The following ITCH variants were observed in gnomAD, a reference collection of about 807,000 sequenced individuals.
ITCH encodes E3 ubiquitin-protein ligase Itchy homolog.
ITCH carries 28 observed loss-of-function variants against 126.8 expected under a neutral mutation model. The observed-to-expected ratio is 0.22, with a 90% CI of 0.16 to 0.30. ITCH has a LOEUF of 0.30. Among genes scored for constraint, ITCH ranks in the 10% least tolerant of loss-of-function variants. ITCH has a pLI of 1.00. For synonymous variants in ITCH, 342 were observed against 340.0 expected, an observed-to-expected ratio of 1.01 and a Z score of -0.06; for missense variants, 631 against 1,032.4, an observed-to-expected ratio of 0.61 and a Z score of 5.33.
At chr20:34,503,758 T>G (rs1990414040) in intron 23 of ITCH, among the ~76,000 whole-genome samples, 1 of 152,010 alleles carries the variant, frequency 6.6e-6, no homozygotes, top group South Asian at 2.1e-4. Flanking sequence ...CTTTTACACT[T>G]ACCAGAATCA....
At chr20:34,456,180 GTGTGTA>G (rs1449047829) in intron 12 of ITCH, among the ~76,000 whole-genome samples, 30 of 44,144 alleles carry the variant, frequency 6.8e-4, no homozygotes, top group South Asian at 4.6e-3. Context: ...GTGTGTGTGT[GTGTGTA>G]TATATATATA....
chr20:34,478,547 T>G (rs773793452), intron 17 of ITCH, among the ~76,000 whole-genome samples: 106 of 152,204 alleles, frequency 7.0e-4, no homozygotes, highest in Non-Finnish European at 1.3e-3. Context: ...AGACGGGATT[T>G]GAATCTTTTT....
At chr20:34,424,656 G>C (rs527367963) in intron 7 of ITCH, 131 bp downstream of exon 7, 16 of 827,274 alleles carry the variant, frequency 1.9e-5, no homozygotes, top group Non-Finnish European at 3.3e-5. Flanking sequence ...CTCAAGAAGG[G>C]AAATATTTGC....
intron 6 of ITCH, among the ~76,000 whole-genome samples, chr20:34,418,757 C>CT (rs373974620): frequency 0.27 from 30,885 of 116,498 alleles, 5,150 homozygotes; most frequent in Admixed American, 0.44. Flanking sequence ...TCTTTTTTTC[C>CT]TTTTTTTTTT....
At position 34,461,945 on chromosome 20, in the gene ITCH, A is replaced by AT. The variant is rs1323142325; in HGVS notation, c.1296-147dup. On this transcript the variant is annotated intron_variant, in intron 13 of 24. Coordinates refer to ENST00000374864, the MANE Select transcript of ITCH (RefSeq NM_031483.7). ...TTTAACCTGTTTGTAGGATGTCCAC[A>AT]TAGAGATGTCTAGTATACAACTGAA... The AT allele has an allele frequency of 7.0e-6, 5 of 717,084 alleles. No homozygotes were observed. In the African/African-American group the frequency reaches 8.8e-5, roughly 13 times the overall value. 44.4% of individuals were successfully genotyped at this position (717,084 alleles called of 1,614,324 possible).
intron 2 of ITCH, among the ~76,000 whole-genome samples, chr20:34,390,670 G>A (rs553019895): frequency 1.2e-3 from 178 of 151,880 alleles, no homozygotes; most frequent in African/African-American, 4.0e-3. Context: ...GGCTGGTCTC[G>A]AACTCCTGAC....
rs182273309 is a variant in ITCH at position 34,438,382 on chromosome 20, G to C, written c.522-92G>C. The stretch of plus-strand genomic sequence containing the variant: ...CTTTTTTGAAGCTCTTAAAAACTTA[G>C]AAGTTTTCATCCTCCTGCTGTTTTT... On this transcript the variant is annotated intron_variant, in intron 7 of 24. Coordinates refer to ENST00000374864, the MANE Select transcript of ITCH (RefSeq NM_031483.7). 1.2e-5 allele frequency: 16 copies of C among 1,374,312 alleles called. No homozygotes were observed. The African/African-American group carries it at 2.2e-4, about 18-fold the overall frequency. 85.1% of individuals were successfully genotyped at this position (1,374,312 alleles called of 1,614,324 possible).
intron 13 of ITCH, among the ~76,000 whole-genome samples, chr20:34,458,259 T>TG (rs1986205492): frequency 6.6e-6 from 1 of 152,140 alleles, no homozygotes; most frequent in Admixed American, 6.5e-5. Context: ...TAAAAAATAT[T>TG]CTGTTGTTGT....
At chr20:34,486,136 T>C (rs910824683) in intron 20 of ITCH, among the ~76,000 whole-genome samples, 5 of 152,088 alleles carry the variant, frequency 3.3e-5, no homozygotes, top group Admixed American at 2.6e-4. Flanking sequence ...CACCTCAGCC[T>C]TCCAGGTAGC....
chr20:34,414,648 T>A (rs1979569781), intron 6 of ITCH, among the ~76,000 whole-genome samples: 1 of 151,970 alleles, frequency 6.6e-6, no homozygotes, highest in Admixed American at 6.6e-5. Flanking sequence ...GTGGGGTTTT[T>A]TTGTTTGTTT....
intron 7 of ITCH, among the ~76,000 whole-genome samples, chr20:34,425,804 A>T (rs934766756): frequency 1.3e-5 from 2 of 152,230 alleles, no homozygotes; most frequent in Non-Finnish European, 2.9e-5. Context: ...GATAGTAAAA[A>T]TAGTGATCAA....
chr20:34,370,245 A>G (rs2037570514), intron 2 of ITCH, among the ~76,000 whole-genome samples: 1 of 152,210 alleles, frequency 6.6e-6, no homozygotes, highest in Admixed American at 6.5e-5. Flanking sequence ...GCCAGACCTC[A>G]GTTTATACAT....
rs769203518 is a variant in ITCH at position 34,445,263 on chromosome 20, T to TC, written c.966-24_966-23insC. On this transcript the variant is annotated intron_variant, in intron 10 of 24. Transcript: ENST00000374864. Reference sequence around the variant, plus strand: ...CAAGTATTTGTTGAATTAGCTTGTTTTTTTTTTTTTTTTTCTGATTTAGCT... The same window carrying TC: ...CAAGTATTTGTTGAATTAGCTTGTTTCTTTTTTTTTTTTTTCTGATTTAGCT... 1.9e-6 allele frequency: 3 copies of TC among 1,557,110 alleles called. No homozygotes were observed. In the South Asian group the frequency reaches 3.5e-5, roughly 18 times the overall value.
chr20:34,407,665 T>C (rs1304683808), intron 3 of ITCH, among the ~76,000 whole-genome samples: 4 of 152,194 alleles, frequency 2.6e-5, no homozygotes, highest in East Asian at 1.9e-4. Context: ...CCCTCAGATA[T>C]GCCATACTCA....
intron 2 of ITCH, among the ~76,000 whole-genome samples, chr20:34,388,364 T>G (rs1384359690): frequency 6.6e-6 from 1 of 152,106 alleles, no homozygotes; most frequent in Non-Finnish European, 1.5e-5. Context: ...TTTTAAATCT[T>G]GTTTGCTTGC....
chr20:34,475,727 CAGGCAGAGGCAGGCAG>C (rs1168278695), intron 16 of ITCH, among the ~76,000 whole-genome samples: 7 of 151,008 alleles, frequency 4.6e-5, no homozygotes, highest in African/African-American at 7.3e-5. Flanking sequence ...GGGGCAGGGG[CAGGCAGAGGCAGGCAG>C]AGGCAGAGGC....
At chr20:34,438,948 TAAA>T (rs1983391333) in intron 8 of ITCH, among the ~76,000 whole-genome samples, 1 of 152,210 alleles carries the variant, frequency 6.6e-6, no homozygotes. Flanking sequence ...ATAAATGTAT[TAAA>T]TACTCAAGGA....
intron 20 of ITCH, among the ~76,000 whole-genome samples, chr20:34,486,743 G>A (rs1989150233): frequency 1.3e-5 from 2 of 151,346 alleles, no homozygotes; most frequent in African/African-American, 4.9e-5. Flanking sequence ...TGTCACCCAG[G>A]CTGGAGTGCA....
intron 17 of ITCH, among the ~76,000 whole-genome samples, chr20:34,479,201 AATAG>A (rs1988507085): frequency 6.6e-6 from 1 of 152,174 alleles, no homozygotes; most frequent in African/African-American, 2.4e-5. Flanking sequence ...GGGACTTAGT[AATAG>A]ATGGAATATT....
Sources: allele counts gnomAD v4.1 joint callset (sites outside exome capture counted in the v4.1 genomes callset), GRCh38; gene constraint gnomAD v4.1.1; transcripts MANE v1.5; gene names NCBI Gene and HGNC (gene_info 2026-07-23, HGNC 2026-07-21).